Variants in CADM2 observed in about 807,000 individuals in gnomAD.
CADM2 encodes immunoglobulin superfamily member 4D.
CADM2 carries 12 observed loss-of-function variants against 49.8 expected under a neutral mutation model. The ratio of observed to expected loss-of-function variants is 0.24; its 90% CI spans 0.15 to 0.39. CADM2 has a LOEUF of 0.39. CADM2 is among the 10% of genes least tolerant of loss of function. CADM2 has a pLI of 1.00. For synonymous variants in CADM2, 214 were observed against 175.4 expected, an observed-to-expected ratio of 1.22 and a Z score of -1.74; for missense variants, 378 against 492.3, an observed-to-expected ratio of 0.77 and a Z score of 2.20.
At chr3:85,451,925 G>A (rs374613079) in intron 1 of CADM2, among the ~76,000 whole-genome samples, 8 of 152,066 alleles carry the variant, frequency 5.3e-5, no homozygotes, top group South Asian at 2.1e-4. Context: ...GTACTTAGGC[G>A]CAGTCCAAAG....
At chr3:85,087,953 G>T (rs923135753) in intron 1 of CADM2, among the ~76,000 whole-genome samples, 2 of 152,104 alleles carry the variant, frequency 1.3e-5, no homozygotes, top group South Asian at 4.1e-4. Flanking sequence ...CTGTTTGGCT[G>T]CGGAAACAGT....
chr3:85,276,673 G>C (rs1348064003), intron 1 of CADM2, among the ~76,000 whole-genome samples: 1 of 151,230 alleles, frequency 6.6e-6, no homozygotes, highest in Non-Finnish European at 1.5e-5. Context: ...GTTGAACAGA[G>C]GCCATGTTTT....
At chr3:85,748,914 C>A (rs2068743833) in intron 2 of CADM2, among the ~76,000 whole-genome samples, 1 of 151,896 alleles carries the variant, frequency 6.6e-6, no homozygotes, top group South Asian at 2.1e-4. Context: ...TCAAGACATG[C>A]TGTAAATATG....
intron 1 of CADM2, among the ~76,000 whole-genome samples, chr3:85,332,194 CA>C (rs1341672554): frequency 6.6e-6 from 1 of 151,992 alleles, no homozygotes; most frequent in Non-Finnish European, 1.5e-5. Flanking sequence ...AAAATAATAA[CA>C]GATATAAAAC....
intron 1 of CADM2, among the ~76,000 whole-genome samples, chr3:85,236,329 G>A (rs1336674740): frequency 1.3e-5 from 2 of 151,848 alleles, no homozygotes; most frequent in African/African-American, 4.8e-5. Context: ...GCATCTCTTG[G>A]ATTGTAATTG....
At chr3:85,527,784 A>G (rs2061196903) in intron 1 of CADM2, among the ~76,000 whole-genome samples, 1 of 152,188 alleles carries the variant, frequency 6.6e-6, no homozygotes, top group African/African-American at 2.4e-5. Context: ...TTAAAATCAC[A>G]TCCTGCTATT....
chr3:85,943,527 G>T (rs896812451), intron 7 of CADM2, among the ~76,000 whole-genome samples: 4 of 151,154 alleles, frequency 2.6e-5, no homozygotes, highest in African/African-American at 7.3e-5. Flanking sequence ...GTGTAAGGAA[G>T]GGATCCAGTT....
chr3:85,148,722 G>T (rs1274577709), intron 1 of CADM2, among the ~76,000 whole-genome samples: 1 of 152,070 alleles, frequency 6.6e-6, no homozygotes, highest in Non-Finnish European at 1.5e-5. Context: ...GGTTGTATAT[G>T]TATTATATAA....
At chr3:85,453,907 G>A (rs1007128533) in intron 1 of CADM2, among the ~76,000 whole-genome samples, 29 of 152,088 alleles carry the variant, frequency 1.9e-4, no homozygotes, top group African/African-American at 6.3e-4. Flanking sequence ...AGGTAGTACA[G>A]TCATAAAAAT....
At chr3:85,225,534 C>T (rs2042138816) in intron 1 of CADM2, among the ~76,000 whole-genome samples, 1 of 152,192 alleles carries the variant, frequency 6.6e-6, no homozygotes, top group African/African-American at 2.4e-5. Context: ...AATATACAAT[C>T]ATGTCATCTG....
intron 1 of CADM2, among the ~76,000 whole-genome samples, chr3:84,972,005 A>G (rs1472330621): frequency 6.6e-6 from 1 of 152,102 alleles, no homozygotes; most frequent in African/African-American, 2.4e-5. Context: ...AGGGTTCTTT[A>G]TGCTGTAAAG....
intron 1 of CADM2, among the ~76,000 whole-genome samples, chr3:85,597,991 C>A (rs1329254171): frequency 1.3e-5 from 2 of 151,914 alleles, no homozygotes; most frequent in Non-Finnish European, 2.9e-5. Flanking sequence ...ATTACAGATT[C>A]TCTTTTTGTA....
At chr3:84,974,136 G>A (rs938307679) in intron 1 of CADM2, among the ~76,000 whole-genome samples, 1 of 151,924 alleles carries the variant, frequency 6.6e-6, no homozygotes, top group South Asian at 2.1e-4. Flanking sequence ...CTAACAGATT[G>A]TATGGTATTT....
chr3:85,515,631 A>ATATATATATATATTT (rs1159969286), intron 1 of CADM2, among the ~76,000 whole-genome samples: 5 of 118,406 alleles, frequency 4.2e-5, no homozygotes, highest in South Asian at 3.2e-4. Context: ...ATATATATAT[A>ATATATATATATATTT]TTTTTTTTTT....
intron 1 of CADM2, among the ~76,000 whole-genome samples, chr3:85,446,722 C>T (rs1433536518): frequency 1.3e-5 from 2 of 149,644 alleles, no homozygotes; most frequent in African/African-American, 4.9e-5. Flanking sequence ...CCTGCCTCAG[C>T]CTCCTGAGTA....
intron 8 of CADM2, among the ~76,000 whole-genome samples, chr3:85,996,961 C>T (rs1202315953): frequency 6.6e-6 from 1 of 152,080 alleles, no homozygotes; most frequent in Non-Finnish European, 1.5e-5. Flanking sequence ...CTCTTCTATC[C>T]CCATTCTGGC....
intron 8 of CADM2, among the ~76,000 whole-genome samples, chr3:85,985,436 G>A (rs574937450): frequency 6.6e-6 from 1 of 152,092 alleles, no homozygotes; most frequent in African/African-American, 2.4e-5. Context: ...GTGTCCTCAG[G>A]AGGACATATG....
chr3:85,515,432 T>TTC (rs1467302704), intron 1 of CADM2, among the ~76,000 whole-genome samples: 4 of 148,784 alleles, frequency 2.7e-5, no homozygotes, highest in African/African-American at 9.8e-5. Flanking sequence ...TTTCTTTTTT[T>TTC]TTTTATTATT....
chr3:85,342,583 A>T (rs549051224), intron 1 of CADM2, among the ~76,000 whole-genome samples: 2 of 152,246 alleles, frequency 1.3e-5, no homozygotes, highest in South Asian at 4.1e-4. Flanking sequence ...TAAAGTACTA[A>T]CTGTTTCTCT....
Sources: gnomAD v4.1 joint callset for allele counts (sites outside exome capture counted in the v4.1 genomes callset) on GRCh38, gnomAD v4.1.1 for gene constraint, MANE v1.5 for transcripts, NCBI Gene and HGNC (gene_info 2026-07-23, HGNC 2026-07-21) for gene names.